The following GRIK1 variants were observed in gnomAD, a reference collection of about 807,000 sequenced individuals.
The protein encoded by GRIK1 is glutamate receptor ionotropic, kainate 1.
A neutral mutation model predicts 105.7 loss-of-function variants in GRIK1; 69 were observed. The observed-to-expected ratio is 0.65, with a 90% CI of 0.54 to 0.80. The LOEUF (loss-of-function observed/expected upper bound fraction) is 0.80, where lower values mean the gene tolerates loss of function less well. GRIK1 is among the 30% of genes least tolerant of loss of function. The pLI is 0.00. For synonymous variants in GRIK1, 438 were observed against 431.3 expected (o/e 1.02, Z -0.19); for missense variants, 1,109 against 1,167.3 (o/e 0.95, Z 0.73).
chr21:29,859,662 G>T (rs537976034), intron 1 of GRIK1, among the ~76,000 whole-genome samples: 5 of 152,152 alleles, frequency 3.3e-5, no homozygotes, highest in Non-Finnish European at 7.4e-5. Flanking sequence ...AGGCTGAAAA[G>T]GATGATTTTG....
intron 1 of GRIK1, among the ~76,000 whole-genome samples, chr21:29,730,825 G>A (rs1020855780): frequency 6.6e-6 from 1 of 151,526 alleles, no homozygotes; most frequent in African/African-American, 2.4e-5. Flanking sequence ...TGGGACATGA[G>A]GGAACTTCAA....
intron 1 of GRIK1, among the ~76,000 whole-genome samples, chr21:29,836,616 TTGA>T (rs1699141982): frequency 6.6e-6 from 1 of 152,190 alleles, no homozygotes; most frequent in African/African-American, 2.4e-5. Flanking sequence ...GTTGGATATT[TTGA>T]TAAGTATATA....
At chr21:29,669,277 T>C (rs2063120108) in intron 4 of GRIK1, among the ~76,000 whole-genome samples, 1 of 152,230 alleles carries the variant, frequency 6.6e-6, no homozygotes, top group Non-Finnish European at 1.5e-5. Context: ...TTTCTTCTTT[T>C]CTGAAGAATC....
At chr21:29,709,827 G>A (rs916930042) in intron 1 of GRIK1, among the ~76,000 whole-genome samples, 1 of 151,388 alleles carries the variant, frequency 6.6e-6, no homozygotes, top group Non-Finnish European at 1.5e-5. Context: ...CTCACATTAT[G>A]AAATACTTTA....
chr21:29,939,066 C>T (rs1295846614), intron 1 of GRIK1, among the ~76,000 whole-genome samples: 3 of 152,144 alleles, frequency 2.0e-5, no homozygotes, highest in Admixed American at 2.0e-4. Flanking sequence ...CAAGTGGCTG[C>T]AGCGGCTCGC....
intron 7 of GRIK1, among the ~76,000 whole-genome samples, chr21:29,620,808 T>TATATATATATATATATATAG (rs2061978720): frequency 1.2e-4 from 15 of 122,620 alleles, no homozygotes; most frequent in Non-Finnish European, 2.1e-4. Flanking sequence ...TATATATAGA[T>TATATATATATATATATATAG]ATATATATAT....
At chr21:29,654,636 A>C (rs879526170) in intron 5 of GRIK1, among the ~76,000 whole-genome samples, 174 bp downstream of exon 5, 4 of 120,224 alleles carry the variant, frequency 3.3e-5, no homozygotes, top group Non-Finnish European at 6.6e-5. Context: ...AAAGAGAAAG[A>C]AAGAAAGAAA....
chr21:29,854,840 C>T (rs1040868900), intron 1 of GRIK1, among the ~76,000 whole-genome samples: 1 of 151,974 alleles, frequency 6.6e-6, no homozygotes, highest in Non-Finnish European at 1.5e-5. Flanking sequence ...GTCAAGGGGT[C>T]ATCATTTGAG....
intron 4 of GRIK1, chr21:29,657,676 T>C (rs1273822202): frequency 6.6e-6 from 1 of 152,132 alleles, no homozygotes; most frequent in Non-Finnish European, 1.5e-5. Flanking sequence ...CTCACCCAGG[T>C]GAATGAAAAA....
intron 15 of GRIK1, among the ~76,000 whole-genome samples, 175 bp from the exon 16 acceptor site, chr21:29,555,477 AT>A (rs1249484108): frequency 6.6e-6 from 1 of 152,152 alleles, no homozygotes; most frequent in Non-Finnish European, 1.5e-5. Flanking sequence ...GCACTATATA[AT>A]TGGAAAGAAG....
intron 1 of GRIK1, among the ~76,000 whole-genome samples, chr21:29,747,335 G>A (rs1000751316): frequency 2.6e-5 from 4 of 152,206 alleles, no homozygotes; most frequent in African/African-American, 9.6e-5. Context: ...GCATCCTTTT[G>A]AGTAGGATAT....
chr21:29,841,121 A>T (rs895745817), intron 1 of GRIK1, among the ~76,000 whole-genome samples: 3 of 152,296 alleles, frequency 2.0e-5, no homozygotes, highest in Admixed American at 6.5e-5. Context: ...TTTAATTTTT[A>T]TGATATTGTA....
At chr21:29,915,205 AAC>A in intron 1 of GRIK1, among the ~76,000 whole-genome samples, 1 of 151,114 alleles carries the variant, frequency 6.6e-6, no homozygotes, top group Non-Finnish European at 1.5e-5. Context: ...CACACACACA[AAC>A]ACACACCTTC....
chr21:29,561,532 G>A, intron 15 of GRIK1, 92 bp downstream of exon 15: 1 of 775,100 alleles, frequency 1.3e-6, no homozygotes, highest in South Asian at 1.6e-5. Flanking sequence ...GGCCTTCTCA[G>A]AATTTGGAAT....
At chr21:29,579,983 GTGTGTATATATATGTATATA>G (rs2090980891) in intron 13 of GRIK1, among the ~76,000 whole-genome samples, 1 of 137,382 alleles carries the variant, frequency 7.3e-6, no homozygotes, top group East Asian at 2.2e-4. Context: ...ATATATATAT[GTGTGTATATATATGTATATA>G]TATGTATATA....
chr21:29,637,432 T>C lies in GRIK1; in HGVS notation c.1098+5394A>G, dbSNP rs73350471. On this transcript the variant is annotated intron_variant, in intron 7 of 17. Transcript: ENST00000327783. ...GACTGACCTGAGAAGCAGCTTGCTA[T>C]GGTATTCTGGTAGCTCATGCTGTAG... Among the ~76,000 whole-genome samples, 1,219 of 152,332 alleles carry C rather than the reference T, an allele frequency of 8.0e-3. 19 individuals carry two copies. Among genetic ancestry groups the C allele is most frequent in the African/African-American group, 0.028 (1,163 of 41,572 alleles).
At chr21:29,596,959 CACACACACACAAACACACACACACACAG>C (rs2061426535) in intron 8 of GRIK1, among the ~76,000 whole-genome samples, 1 of 152,058 alleles carries the variant, frequency 6.6e-6, no homozygotes, top group Admixed American at 6.5e-5. Flanking sequence ...TCAATACACA[CACACACACACAAACACACACACACACAG>C]ACACACACAT....
Position 29,939,884 on chromosome 21 carries a change from C to T in GRIK1, c.-384G>A, listed in dbSNP as rs991300113. On this transcript the variant is annotated 5_prime_UTR_variant, in exon 1 of 18. Coordinates refer to ENST00000327783, the MANE Select transcript of GRIK1 (RefSeq NM_001330994.2). ...TCAGATGCAAAAGTCGGGGGATAGG[C>T]ACAGACAGAGGAGGGAAAAGGGGGA... 2 of 175,072 alleles carry T rather than the reference C, an allele frequency of 1.1e-5. No homozygotes were observed. Among genetic ancestry groups the T allele is most frequent in the Non-Finnish European group, 2.4e-5 (2 of 83,424 alleles). The allele number at this position is 175,072 out of a possible 1,614,324, so 10.8% of individuals were successfully genotyped here. A position where few individuals can be genotyped will look rare whatever the true frequency, so the allele number is the denominator to read the frequency against.
intron 1 of GRIK1, among the ~76,000 whole-genome samples, chr21:29,864,064 G>T (rs2068729503): frequency 6.6e-6 from 1 of 151,518 alleles, no homozygotes; most frequent in Non-Finnish European, 1.5e-5. Flanking sequence ...CTGTTATTTG[G>T]ATCCTCCCTC....
Sources: allele counts gnomAD v4.1 joint callset (sites outside exome capture counted in the v4.1 genomes callset), GRCh38; gene constraint gnomAD v4.1.1; transcripts MANE v1.5; gene names NCBI Gene and HGNC (gene_info 2026-07-23, HGNC 2026-07-21).